ZFYVE9: variants seen among roughly 807,000 people sequenced by gnomAD.
ZFYVE9 encodes zinc finger FYVE domain-containing protein 9.
A neutral mutation model predicts 126.7 loss-of-function variants in ZFYVE9; 43 were observed. The observed-to-expected ratio is 0.34, with a 90% CI of 0.27 to 0.44. The LOEUF is 0.44. ZFYVE9 is among the 20% of genes least tolerant of loss of function. The pLI is 1.00. For missense variants in ZFYVE9, 1,476 were observed against 1,697.0 expected, an observed-to-expected ratio of 0.87 and a Z score of 2.29; for synonymous variants, 521 against 597.4, an observed-to-expected ratio of 0.87 and a Z score of 1.87.
chr1:52,172,152 T>C (rs1644578456), intron 1 of ZFYVE9, among the ~76,000 whole-genome samples: 1 of 152,238 alleles, frequency 6.6e-6, no homozygotes, highest in Admixed American at 6.5e-5. Context: ...TTTAAGTCTT[T>C]AGTCCATCTT....
intron 1 of ZFYVE9, among the ~76,000 whole-genome samples, chr1:52,169,054 A>G (rs546652834): frequency 4.6e-5 from 7 of 152,168 alleles, no homozygotes; most frequent in African/African-American, 1.7e-4. Context: ...GCTCCCTGAC[A>G]TCCAGATCTT....
chr1:52,160,422 A>G (rs1644446226), intron 1 of ZFYVE9: 1 of 1,025,420 alleles, frequency 9.8e-7, no homozygotes, highest in East Asian at 2.4e-5. Context: ...ACATTCTTCC[A>G]TCCTCCAAAG....
chr1:52,180,009 C>T (rs899042195), intron 1 of ZFYVE9: 25 of 878,130 alleles, frequency 2.8e-5, no homozygotes, highest in African/African-American at 8.2e-5. Context: ...GCTGGAGGAT[C>T]GTGAAGACAA....
At chr1:52,244,327 G>A (rs965676720) in intron 4 of ZFYVE9, among the ~76,000 whole-genome samples, 5 of 152,266 alleles carry the variant, frequency 3.3e-5, no homozygotes, top group South Asian at 2.1e-4. Flanking sequence ...TAGAAAAGAA[G>A]TTTTAGGAGA....
At chr1:52,188,931 T>TTTTA (rs1009348762) in intron 1 of ZFYVE9, among the ~76,000 whole-genome samples, 14 of 151,858 alleles carry the variant, frequency 9.2e-5, no homozygotes, top group Admixed American at 3.3e-4. Flanking sequence ...TTTATTTTAT[T>TTTTA]TTTATTTATT....
chr1:52,172,941 C>T (rs2124527185), intron 1 of ZFYVE9, among the ~76,000 whole-genome samples: 1 of 152,258 alleles, frequency 6.6e-6, no homozygotes, highest in South Asian at 2.1e-4. Flanking sequence ...ATCATGTCAT[C>T]TACAAACAGG....
chr1:52,161,429 G>A (rs1644458558), intron 1 of ZFYVE9, among the ~76,000 whole-genome samples: 1 of 152,026 alleles, frequency 6.6e-6, no homozygotes. Context: ...AGCTGGGACA[G>A]CAAGCACGCA....
intron 1 of ZFYVE9, among the ~76,000 whole-genome samples, chr1:52,193,817 CAT>C (rs902288368): frequency 1.9e-4 from 28 of 151,306 alleles, no homozygotes; most frequent in African/African-American, 5.1e-4. Flanking sequence ...CACACACACA[CAT>C]GTGTCCAAGG....
At chr1:52,204,846 C>T (rs1464429279) in intron 1 of ZFYVE9, among the ~76,000 whole-genome samples, 1 of 152,168 alleles carries the variant, frequency 6.6e-6, no homozygotes, top group African/African-American at 2.4e-5. Flanking sequence ...AGATCTAGGT[C>T]AAGCTTCCCA....
chr1:52,181,682 G>A (rs578193943), intron 1 of ZFYVE9, among the ~76,000 whole-genome samples: 5,913 of 151,842 alleles, frequency 0.039, 152 homozygotes, highest in South Asian at 0.074. Flanking sequence ...AGTGAGGAGC[G>A]TCTCTGCCCG....
intron 7 of ZFYVE9, among the ~76,000 whole-genome samples, chr1:52,272,472 A>T (rs559191672): frequency 6.6e-6 from 1 of 152,346 alleles, no homozygotes; most frequent in South Asian, 2.1e-4. Flanking sequence ...AAACAATAGT[A>T]TATAATGTTT....
chr1:52,226,067 T>A (rs897017484), intron 2 of ZFYVE9, among the ~76,000 whole-genome samples: 1 of 152,186 alleles, frequency 6.6e-6, no homozygotes, highest in South Asian at 2.1e-4. Context: ...GCTCACAGAT[T>A]GGTTCGATCA....
At chr1:52,194,166 A>T (rs1430992758) in intron 1 of ZFYVE9, among the ~76,000 whole-genome samples, 2 of 152,210 alleles carry the variant, frequency 1.3e-5, no homozygotes, top group Non-Finnish European at 2.9e-5. Context: ...TTGAGTGAGA[A>T]AAACAAGTTA....
At chr1:52,213,388 C>T (rs1239836134) in intron 1 of ZFYVE9, among the ~76,000 whole-genome samples, 1 of 152,092 alleles carries the variant, frequency 6.6e-6, no homozygotes, top group Non-Finnish European at 1.5e-5. Context: ...CGGTGGCTCA[C>T]GTCTGTAATC....
At chr1:52,318,458 A>G (rs1646207928) in intron 13 of ZFYVE9, among the ~76,000 whole-genome samples, 1 of 151,778 alleles carries the variant, frequency 6.6e-6, no homozygotes, top group Non-Finnish European at 1.5e-5. Flanking sequence ...GCTAATGATT[A>G]TCTATGAAAA....
At chr1:52,196,662 A>G (rs1328748617) in intron 1 of ZFYVE9, among the ~76,000 whole-genome samples, 2 of 152,194 alleles carry the variant, frequency 1.3e-5, no homozygotes, top group African/African-American at 4.8e-5. Context: ...ATTGGAGGTC[A>G]TGATAAACAT....
intron 2 of ZFYVE9, among the ~76,000 whole-genome samples, chr1:52,216,778 A>G (rs1239725596): frequency 6.6e-6 from 1 of 152,246 alleles, no homozygotes; most frequent in African/African-American, 2.4e-5. Flanking sequence ...TTTGAGCAAT[A>G]TTTAAGCTCA....
intron 4 of ZFYVE9, among the ~76,000 whole-genome samples, chr1:52,241,596 C>T (rs1412825040): frequency 6.6e-6 from 1 of 152,086 alleles, no homozygotes; most frequent in Non-Finnish European, 1.5e-5. Flanking sequence ...CAAAATGCAT[C>T]ATAAATTGCA....
chr1:52,179,947 G>A (rs1036755751), intron 1 of ZFYVE9: 10 of 1,062,252 alleles, frequency 9.4e-6, no homozygotes, highest in Admixed American at 1.7e-5. Flanking sequence ...GATGAGCAGC[G>A]CATCCTCCAG....
Sources: gnomAD v4.1 joint callset for allele counts (sites outside exome capture counted in the v4.1 genomes callset) on GRCh38, gnomAD v4.1.1 for gene constraint, MANE v1.5 for transcripts, NCBI Gene and HGNC (gene_info 2026-07-23, HGNC 2026-07-21) for gene names.